The following TMEM39A variants were observed in gnomAD, a reference collection of about 807,000 sequenced individuals.
TMEM39A encodes suppressor of SQST-1 aggregates in rpl-43 mutants.
Under a neutral mutation model 51.9 loss-of-function variants are expected in TMEM39A, and 19 were observed. That is an observed-to-expected ratio of 0.37 (90% CI 0.26 to 0.54). The LOEUF is 0.54. Ranked by LOEUF, TMEM39A falls within the 20% of genes least tolerant of loss-of-function variation. The pLI, the probability that TMEM39A is intolerant of heterozygous loss-of-function variation, is 0.88. For synonymous variants in TMEM39A, 197 were observed against 220.2 expected (o/e 0.89, Z 0.93); for missense variants, 433 against 590.5 (o/e 0.73, Z 2.76).
At chr3:119,444,845 A>G (rs911951766) in intron 5 of TMEM39A, among the ~76,000 whole-genome samples, 3 of 152,178 alleles carry the variant, frequency 2.0e-5, no homozygotes, top group African/African-American at 7.2e-5. Context: ...TGATTAAGAC[A>G]AAGACTCTGG....
At chr3:119,447,213 ATCT>A (rs781711155) in intron 4 of TMEM39A, 41 bp from the exon 5 acceptor site, 5 of 1,590,486 alleles carry the variant, frequency 3.1e-6, no homozygotes, top group South Asian at 1.1e-5. Context: ...TTTGTAAATG[ATCT>A]TCTTCAAAAG....
At chr3:119,452,301 C>T (rs1207418572) in intron 4 of TMEM39A, 146 bp downstream of exon 4, 8 of 504,496 alleles carry the variant, frequency 1.6e-5, no homozygotes, top group African/African-American at 1.4e-4. Context: ...TGCAGGGAAA[C>T]ATTTTTTAAA....
intron 4 of TMEM39A, chr3:119,451,337 A>G: frequency 1.6e-6 from 2 of 1,261,802 alleles, no homozygotes; most frequent in Non-Finnish European, 2.1e-6. Flanking sequence ...ATGTTTTGGG[A>G]AAAAGAAGTT....
intron 8 of TMEM39A, among the ~76,000 whole-genome samples, chr3:119,434,202 C>T (rs2080937910): frequency 6.6e-6 from 1 of 152,168 alleles, no homozygotes; most frequent in South Asian, 2.1e-4. Context: ...TAGATCATAA[C>T]CGAAGGCATG....
At position 119,436,936 on chromosome 3, in the gene TMEM39A, T is replaced by C. The variant is rs2080977135; in HGVS notation, c.967A>G (p.Ile323Val). Reference protein sequence around the residue: ...YDMRWSCEHLIMVWINAFVML... With the variant: ...YDMRWSCEHLVMVWINAFVML... The stretch of plus-strand genomic sequence containing the variant: ...ACAAAAGCATTGATCCACACCATAA[T>C]GAGGTGCTCACATGACCAGCGCATG... The change falls in exon 7 of 9, where the codon ATT becomes GTT. Residue 323 changes from isoleucine (I) to valine (V), a missense_variant. By Grantham distance (29) the Ile-to-Val change is conservative. Around this residue, in one of 3 missense-constraint regions of TMEM39A, gnomAD observed 223 missense variants for 328.1 expected, o/e 0.68. Transcript: ENST00000319172. 6.2e-7 allele frequency: 1 copy of C among 1,613,934 alleles called. No homozygotes were observed.
At chr3:119,439,094 A>G (rs1283370845) in intron 5 of TMEM39A, among the ~76,000 whole-genome samples, 1 of 152,242 alleles carries the variant, frequency 6.6e-6, no homozygotes, top group Non-Finnish European at 1.5e-5. Flanking sequence ...TCTACCAGTA[A>G]AATTAATTGG....
intron 3 of TMEM39A, among the ~76,000 whole-genome samples, chr3:119,456,567 T>C (rs1484678637): frequency 1.3e-5 from 2 of 152,178 alleles, no homozygotes; most frequent in Non-Finnish European, 2.9e-5. Context: ...TATAAGACAA[T>C]AGTCTTCTTT....
intron 3 of TMEM39A, among the ~76,000 whole-genome samples, chr3:119,455,938 C>T (rs999508627): frequency 2.0e-5 from 3 of 151,964 alleles, no homozygotes; most frequent in African/African-American, 4.8e-5. Context: ...CTCACTATGC[C>T]GCTATGTGAT....
chr3:119,463,331 C>T lies in TMEM39A; in HGVS notation c.-75+5G>A. The T allele has an allele frequency of 8.3e-6, 3 of 360,048 alleles. No individual in the cohort carries two copies. Among genetic ancestry groups the T allele is most frequent in the Non-Finnish European group, 9.9e-6 (2 of 202,602 alleles). 22.3% of individuals were successfully genotyped at this position (360,048 alleles called of 1,614,324 possible). A position where few individuals can be genotyped will look rare whatever the true frequency, so the allele number is the denominator to read the frequency against. ...CGGACCTTGGGGCAGCTCAGTAATA[C>T]TCACGCATGGAAGAGTCCCAGCCGG... On this transcript the variant is annotated splice_donor_5th_base_variant and intron_variant, in intron 1 of 8. Transcript: ENST00000319172.
At chr3:119,461,433 G>A (rs1319138869) in intron 2 of TMEM39A, among the ~76,000 whole-genome samples, 2 of 152,192 alleles carry the variant, frequency 1.3e-5, no homozygotes, top group Non-Finnish European at 2.9e-5. Flanking sequence ...CAGGGAGGAA[G>A]GAGAAATTAG....
At chr3:119,457,847 T>C (rs2081285906) in intron 3 of TMEM39A, among the ~76,000 whole-genome samples, 171 bp downstream of exon 3, 1 of 152,256 alleles carries the variant, frequency 6.6e-6, no homozygotes. Context: ...GTAGTACTTA[T>C]AATTTAACCA....
chr3:119,450,475 A>T (rs2081183306), intron 4 of TMEM39A, among the ~76,000 whole-genome samples: 1 of 152,190 alleles, frequency 6.6e-6, no homozygotes, highest in Non-Finnish European at 1.5e-5. Flanking sequence ...TAGAATTAAG[A>T]CTTTGATAAA....
intron 1 of TMEM39A, among the ~76,000 whole-genome samples, chr3:119,462,876 G>A (rs2081357934): frequency 1.5e-5 from 2 of 133,008 alleles, no homozygotes; most frequent in African/African-American, 6.0e-5. Flanking sequence ...GCAAGTAAAA[G>A]ATAAAGATCC....
intron 5 of TMEM39A, among the ~76,000 whole-genome samples, chr3:119,445,884 C>A (rs1466009469): frequency 1.3e-5 from 2 of 152,142 alleles, no homozygotes; most frequent in Non-Finnish European, 2.9e-5. Context: ...TAGTTACAAT[C>A]ATAATAATAT....
chr3:119,434,524 C>T (rs1218699783), intron 8 of TMEM39A, among the ~76,000 whole-genome samples: 1 of 151,992 alleles, frequency 6.6e-6, no homozygotes, highest in African/African-American at 2.4e-5. Flanking sequence ...TCGACAAATA[C>T]CAATGTAACT....
In TMEM39A at chr3:119,458,085, T is replaced by C; in HGVS notation, c.269A>G (p.Gln90Arg). The change falls in exon 3 of 9, where the codon CAG becomes CGG. Residue 90 changes from glutamine (Q) to arginine (R), a missense_variant. Physicochemically the swap from Gln to Arg is conservative, Grantham distance 43 (BLOSUM62 1). Coordinates refer to ENST00000319172, the MANE Select transcript of TMEM39A (RefSeq NM_018266.3). ...FIYLLVALFIQYINIYKTVWW... is the reference protein window; with the variant it reads ...FIYLLVALFIRYINIYKTVWW... Reference sequence around the variant, plus strand: ...CACTGTTTTATAAATGTTGATGTACTGAATGAAAAGAGCAACCAACAGGTA... The same window carrying C: ...CACTGTTTTATAAATGTTGATGTACCGAATGAAAAGAGCAACCAACAGGTA... 1.2e-6 allele frequency: 2 copies of C among 1,614,082 alleles called. No homozygotes were observed. Among genetic ancestry groups the C allele is most frequent in the Non-Finnish European group, 1.7e-6 (2 of 1,179,992 alleles).
chr3:119,443,473 C>A (rs534160734), intron 5 of TMEM39A, among the ~76,000 whole-genome samples: 28 of 152,298 alleles, frequency 1.8e-4, no homozygotes, highest in Admixed American at 6.5e-4. Context: ...CAGTCAGCAG[C>A]CATCAACATT....
At chr3:119,448,897 AGGTCCTAGGGG>A (rs2081162833) in intron 4 of TMEM39A, among the ~76,000 whole-genome samples, 1 of 152,232 alleles carries the variant, frequency 6.6e-6, no homozygotes, top group Non-Finnish European at 1.5e-5. Context: ...ACCCTTTACC[AGGTCCTAGGGG>A]TACAGTGGTA....
In TMEM39A at chr3:119,438,022, A is replaced by T. The variant is rs1057301919; in HGVS notation, c.657T>A (p.Val219=). The change falls in exon 6 of 9, where the codon GTT becomes GTA. Residue 219 remains valine (V), a synonymous_variant. Coordinates refer to ENST00000319172, the MANE Select transcript of TMEM39A (RefSeq NM_018266.3). ...CACTTTCCTCTACTGCCTCGTGCTG[A>T]ACCACATAGTTGTAGTCTGTGAGAA... is the stretch of plus-strand genomic sequence containing the variant. ...HLLLTDYNYV[V]QHEAVEESAS... 2.2e-5 allele frequency: 36 copies of T among 1,613,936 alleles called. No individual in the cohort carries two copies. The highest frequency in any genetic ancestry group is 2.8e-5 in the Non-Finnish European group (33 of 1,179,936).
Sources: gnomAD v4.1 joint callset for allele counts (sites outside exome capture counted in the v4.1 genomes callset) on GRCh38, gnomAD v4.1.1 for gene constraint, gnomAD v4.1.1 regional missense constraint, MANE v1.5 for transcripts, NCBI Gene and HGNC (gene_info 2026-07-23, HGNC 2026-07-21) for gene names.